SLC1A3: variants seen among roughly 807,000 people sequenced by gnomAD.
SLC1A3 encodes excitatory amino acid transporter 1.
In SLC1A3, 21 loss-of-function variants were observed where a neutral mutation model predicts 48.1. That is an observed-to-expected ratio of 0.44 (90% CI 0.31 to 0.63). The LOEUF (loss-of-function observed/expected upper bound fraction) is 0.63, where lower values mean the gene tolerates loss of function less well. Among genes scored for constraint, SLC1A3 ranks in the 20% least tolerant of loss-of-function variants. The pLI is 0.08. For missense variants in SLC1A3, 546 were observed against 689.0 expected, an observed-to-expected ratio of 0.79 and a Z score of 2.32; for synonymous variants, 239 against 251.4, an observed-to-expected ratio of 0.95 and a Z score of 0.47.
At chr5:36,609,597 T>A (rs1022556265) in intron 2 of SLC1A3, among the ~76,000 whole-genome samples, 3 of 152,222 alleles carry the variant, frequency 2.0e-5, no homozygotes, top group African/African-American at 7.2e-5. Flanking sequence ...ATAACTTTTT[T>A]CAAGAAAATT....
At position 36,688,174 on chromosome 5, in the gene SLC1A3, G is replaced by A. The variant is rs1742730608; in HGVS notation, c.*1905G>A. 1 of 152,158 alleles carries A rather than the reference G, an allele frequency of 6.6e-6. No individual in the cohort carries two copies. The highest frequency in any genetic ancestry group is 2.4e-5 in the African/African-American group (1 of 41,422). The allele number at this position is 152,158 out of a possible 1,614,324, so 9.4% of individuals were successfully genotyped here. A position where few individuals can be genotyped will look rare whatever the true frequency, so the allele number is the denominator to read the frequency against. On this transcript the variant is annotated 3_prime_UTR_variant, in exon 10 of 10. Coordinates refer to ENST00000265113, the MANE Select transcript of SLC1A3 (RefSeq NM_004172.5). ...AACTTAATTCTGTTACACAATATGT[G>A]TTTTTTAATATACTAACCATTTCTT...
At chr5:36,613,604 C>T (rs906483122) in intron 2 of SLC1A3, 1 of 152,246 alleles carries the variant, frequency 6.6e-6, no homozygotes, top group Non-Finnish European at 1.5e-5. Flanking sequence ...GATTGAACAA[C>T]AGCAATCCAA....
chr5:36,677,784 A>T (rs1742273915), intron 6 of SLC1A3, among the ~76,000 whole-genome samples: 1 of 152,218 alleles, frequency 6.6e-6, no homozygotes, highest in African/African-American at 2.4e-5. Context: ...GTGCCAGAAG[A>T]AGGGTGTTTC....
chr5:36,637,846 T>C (rs962009933), intron 3 of SLC1A3, among the ~76,000 whole-genome samples: 1 of 152,150 alleles, frequency 6.6e-6, no homozygotes, highest in South Asian at 2.1e-4. Context: ...TTGCACTACA[T>C]AGAGGTAGTG....
chr5:36,626,600 C>T (rs969193441), intron 2 of SLC1A3, among the ~76,000 whole-genome samples: 2 of 152,112 alleles, frequency 1.3e-5, no homozygotes, highest in African/African-American at 4.8e-5. Context: ...AATTGAATGT[C>T]AAGTGTTTAA....
intron 5 of SLC1A3, among the ~76,000 whole-genome samples, chr5:36,674,539 C>G (rs1742130042): frequency 6.6e-6 from 1 of 151,230 alleles, no homozygotes; most frequent in Non-Finnish European, 1.5e-5. Context: ...ACCTAATGGA[C>G]TCTAAAGGAG....
At chr5:36,607,670 A>G (rs1051132261) in intron 1 of SLC1A3, among the ~76,000 whole-genome samples, 1 of 152,226 alleles carries the variant, frequency 6.6e-6, no homozygotes, top group Non-Finnish European at 1.5e-5. Context: ...TGATTTATAG[A>G]TGTGCCCAGA....
Position 36,675,080 on chromosome 5 carries a change from G to A in SLC1A3, c.567+989G>A, listed in dbSNP as rs1005560643. ...TTCACTCCTGTTGTAATTCCCTAAC[G>A]CTTCTGCTTAGGATCTGTAAAACAA... On this transcript the variant is annotated intron_variant, in intron 5 of 9. Transcript: ENST00000265113. Among the ~76,000 whole-genome samples the A allele has an allele frequency of 3.3e-5, 5 of 152,092 alleles. No homozygotes were observed. In the South Asian group the frequency reaches 1.0e-3, roughly 32 times the overall value.
chr5:36,612,816 C>G (rs1263671913), intron 2 of SLC1A3: 1 of 456,164 alleles, frequency 2.2e-6, no homozygotes, highest in Admixed American at 2.3e-5. Context: ...ATCCACCATT[C>G]CGGCTCCAGG....
intron 3 of SLC1A3, among the ~76,000 whole-genome samples, chr5:36,634,419 G>T (rs1346595471): frequency 6.6e-6 from 1 of 152,068 alleles, no homozygotes; most frequent in African/African-American, 2.4e-5. Flanking sequence ...TGAAAAGAAT[G>T]ACTTTCTCAC....
chr5:36,601,188 T>G (rs957070510), intron 1 of SLC1A3, among the ~76,000 whole-genome samples: 3 of 152,254 alleles, frequency 2.0e-5, no homozygotes, highest in Non-Finnish European at 4.4e-5. Flanking sequence ...ATTATGATTC[T>G]ATACCAGCAA....
At chr5:36,598,902 A>G (rs538178700) in intron 1 of SLC1A3, among the ~76,000 whole-genome samples, 2 of 152,324 alleles carry the variant, frequency 1.3e-5, no homozygotes, top group South Asian at 4.1e-4. Flanking sequence ...TGCTGGGATT[A>G]CAAGAGTGAG....
rs768937685 is a variant in SLC1A3 at position 36,608,618 on chromosome 5, T to A, written c.181+14T>A. On this transcript the variant is annotated intron_variant, in intron 2 of 9. Coordinates refer to ENST00000265113, the MANE Select transcript of SLC1A3 (RefSeq NM_004172.5). The stretch of plus-strand genomic sequence containing the variant: ...CTGTCATTGTGGGTGAGTCATTTGA[T>A]TAAAAACAAAAAAACCTGTATCTTG... 3.1e-6 allele frequency: 5 copies of A among 1,594,726 alleles called. No individual in the cohort carries two copies. Among genetic ancestry groups the A allele is most frequent in the Admixed American group, 3.4e-5 (2 of 58,490 alleles).
intron 8 of SLC1A3, among the ~76,000 whole-genome samples, chr5:36,681,834 T>C (rs924074761): frequency 9.8e-5 from 15 of 152,306 alleles, no homozygotes; most frequent in Admixed American, 2.0e-4. Flanking sequence ...TTTTAAATTG[T>C]TATTAAAAGT....
chr5:36,617,816 T>C (rs887278974), intron 2 of SLC1A3, among the ~76,000 whole-genome samples: 28 of 152,220 alleles, frequency 1.8e-4, no homozygotes, highest in African/African-American at 6.8e-4. Flanking sequence ...ACTTCGGTTG[T>C]TTCCAGTCTT....
Position 36,671,234 on chromosome 5 carries a change from G to T in SLC1A3, c.524+1G>T. ...CAGATGCCTTCCTGGACTTGATCAG[G>T]TATGTCCTTGCAAGCCCGTCCTTTG... On this transcript the variant is annotated splice_donor_variant, in intron 4 of 9. Transcript: ENST00000265113. LOFTEE classifies it high-confidence loss of function. 1 of 1,610,378 alleles carries T rather than the reference G, an allele frequency of 6.2e-7. No homozygotes were observed. Among genetic ancestry groups the T allele is most frequent in the South Asian group, 1.1e-5 (1 of 90,864 alleles).
intron 2 of SLC1A3, among the ~76,000 whole-genome samples, chr5:36,614,065 C>T (rs1739326560): frequency 6.6e-6 from 1 of 152,122 alleles, no homozygotes; most frequent in South Asian, 2.1e-4. Flanking sequence ...AGTCAGACAG[C>T]CTAGGTTTAT....
At chr5:36,653,143 G>T (rs1741151499) in intron 3 of SLC1A3, among the ~76,000 whole-genome samples, 3 of 152,128 alleles carry the variant, frequency 2.0e-5, no homozygotes, top group Non-Finnish European at 4.4e-5. Context: ...GAATAAGTTA[G>T]CATGTAAATT....
chr5:36,674,469 A>C (rs2111945224), intron 5 of SLC1A3, among the ~76,000 whole-genome samples: 1 of 150,228 alleles, frequency 6.7e-6, no homozygotes, highest in African/African-American at 2.5e-5. Flanking sequence ...GAGATTATTT[A>C]GATTTCTGGG....
Sources: allele counts gnomAD v4.1 joint callset (sites outside exome capture counted in the v4.1 genomes callset), GRCh38; gene constraint gnomAD v4.1.1; transcripts MANE v1.5; gene names NCBI Gene and HGNC (gene_info 2026-07-23, HGNC 2026-07-21).